Variants in MFHAS1 observed in about 807,000 individuals in gnomAD.
The protein encoded by MFHAS1 is multifunctional ROCO family signaling regulator 1.
In MFHAS1, 50 loss-of-function variants were observed where a neutral mutation model predicts 70.4. The ratio of observed to expected loss-of-function variants is 0.71; its 90% CI spans 0.57 to 0.90. The LOEUF is 0.90. Ranked by LOEUF, MFHAS1 falls within the 40% of genes least tolerant of loss-of-function variation. The pLI, the probability that MFHAS1 is intolerant of heterozygous loss-of-function variation, is 0.00. For synonymous variants in MFHAS1, 952 were observed against 620.0 expected (o/e 1.54, Z -7.96); for missense variants, 1,795 against 1,347.6 (o/e 1.33, Z -5.20).
Position 8,891,836 on chromosome 8 carries a change from G to A in MFHAS1, c.1223C>T (p.Pro408Leu). Residue 408 changes from proline (P) to leucine (L), a missense_variant, in exon 1 of 3, where the codon CCC (proline) becomes CTC (leucine). Pro to Leu is a moderately conservative substitution (Grantham distance 98). Transcript: ENST00000276282. The surrounding 1 kb of genome is among the most constrained non-coding windows in gnomAD (Gnocchi z 5.4). ...ELAHSQPAVQ[P>L]RLKLLLMGHK... ...CCCCATCAGGAGCAGCTTGAGCCGG[G>A]GCTGCACCGCCGGCTGGGAATGAGC... 6.2e-7 allele frequency: 1 copy of A among 1,613,038 alleles called. No homozygotes were observed. The highest frequency in any genetic ancestry group is 8.5e-7 in the Non-Finnish European group (1 of 1,179,896).
chr8:8,797,487 C>T lies in MFHAS1; in HGVS notation c.3003G>A (p.Glu1001=), dbSNP rs144779795. Residue 1001 remains glutamate, a synonymous_variant, in exon 2 of 3, where the codon GAG becomes GAA. Coordinates refer to ENST00000276282, the MANE Select transcript of MFHAS1 (RefSeq NM_004225.3). ...CTTCCGGTCTGGGCTGACTCAGCAACTCCCCTGTAGGAGGAGAGAGAAAAA... is the reference window on the plus strand; with the variant it reads ...CTTCCGGTCTGGGCTGACTCAGCAATTCCCCTGTAGGAGGAGAGAGAAAAA... ...GSPNPHAFPG[E]LLSQPRPEGV... The T allele has an allele frequency of 1.5e-5, 24 of 1,613,546 alleles. No homozygotes were observed. Among genetic ancestry groups the T allele is most frequent in the Non-Finnish European group, 2.0e-5 (24 of 1,179,724 alleles).
chr8:8,811,613 C>T (rs1806550196), intron 1 of MFHAS1, among the ~76,000 whole-genome samples: 1 of 152,224 alleles, frequency 6.6e-6, no homozygotes, highest in African/African-American at 2.4e-5. Context: ...TAACTAACGT[C>T]CACCTGACGC....
chr8:8,857,568 C>A (rs1045127997), intron 1 of MFHAS1, among the ~76,000 whole-genome samples: 4 of 151,988 alleles, frequency 2.6e-5, no homozygotes, highest in African/African-American at 9.7e-5. Context: ...ACCAGCCTGG[C>A]CAATATTGTG....
intron 1 of MFHAS1, among the ~76,000 whole-genome samples, chr8:8,815,922 C>T (rs760697306): frequency 1.3e-5 from 2 of 152,108 alleles, no homozygotes; most frequent in Non-Finnish European, 2.9e-5. Context: ...GTTAAAAGGT[C>T]GGCACATAAA....
At chr8:8,806,186 G>A (rs1040323778) in intron 1 of MFHAS1, among the ~76,000 whole-genome samples, 8 of 152,064 alleles carry the variant, frequency 5.3e-5, no homozygotes, top group Admixed American at 6.5e-5. Flanking sequence ...TCTTCCTCAC[G>A]GGACGCCCAC....
At position 8,892,347 on chromosome 8, in the gene MFHAS1, C is replaced by A. The variant is rs1810095838; in HGVS notation, c.712G>T (p.Glu238Ter). The A allele has an allele frequency of 6.2e-7, 1 of 1,611,864 alleles. No individual in the cohort carries two copies. The highest frequency in any genetic ancestry group is 8.5e-7 in the Non-Finnish European group (1 of 1,179,892). The change falls in exon 1 of 3, where the codon GAG becomes TAG. Residue 238 changes from glutamate (E) to a stop codon, truncating the protein, a stop_gained. Transcript: ENST00000276282. LOFTEE classifies it high-confidence loss of function. This position sits in a 1 kb window ranked among gnomAD's most constrained non-coding sequence, Gnocchi z 4.7. ...ALKILWLSGA[E>*]LGTLPAGFCE... ...AAGCCGGCGGGCAGCGTGCCAAGCT[C>A]GGCCCCACTCAGCCAGAGGATCTTG...
At chr8:8,799,526 C>T (rs983964921) in intron 1 of MFHAS1, among the ~76,000 whole-genome samples, 41 of 152,162 alleles carry the variant, frequency 2.7e-4, no homozygotes, top group African/African-American at 9.4e-4. Flanking sequence ...GAGGCAAAGA[C>T]GGGTGGATCG....
chr8:8,861,507 G>A (rs1203219287), intron 1 of MFHAS1, among the ~76,000 whole-genome samples: 1 of 152,164 alleles, frequency 6.6e-6, no homozygotes, highest in African/African-American at 2.4e-5. Context: ...CCAAATTAGT[G>A]TGAAAACAGC....
At chr8:8,866,443 C>T (rs1808861187) in intron 1 of MFHAS1, among the ~76,000 whole-genome samples, 1 of 152,030 alleles carries the variant, frequency 6.6e-6, no homozygotes, top group South Asian at 2.1e-4. Context: ...CTCAGCCTCC[C>T]CAACGGCTGC....
rs1414997519 is a variant in MFHAS1, at chr8:8,892,718, G to C, written c.341C>G (p.Thr114Ser). 18 of 1,579,174 alleles carry C rather than the reference G, an allele frequency of 1.1e-5. No homozygotes were observed. In the Middle Eastern group the frequency reaches 5.3e-4, roughly 47 times the overall value. The part of the protein sequence containing the change: ...PAVAELGHHL[T>S]ELDVSHNRLT... ...CCGGTTGTGGCTCACGTCCAGCTCG[G>C]TGAGGTGGTGGCCGAGCTCGGCCAC... Residue 114 changes from threonine to serine, a missense_variant, in exon 1 of 3, where the codon ACC (threonine) becomes AGC (serine). By Grantham distance (58) the Thr-to-Ser change is moderately conservative. Transcript: ENST00000276282. This position sits in a 1 kb window ranked among gnomAD's most constrained non-coding sequence, Gnocchi z 4.7.
intron 1 of MFHAS1, among the ~76,000 whole-genome samples, chr8:8,875,535 T>C (rs1809255487): frequency 6.6e-6 from 1 of 152,260 alleles, no homozygotes; most frequent in South Asian, 2.1e-4. Context: ...CAGAGCAAAA[T>C]GTGTAGTGAT....
In MFHAS1 at chr8:8,786,048, C is replaced by T. The variant is rs1563172428; in HGVS notation, c.3133G>A (p.Val1045Ile). ...TVISPCSKKN[V>I]GEKHRNQ is the part of the protein sequence containing the mutation. Reference sequence around the variant, plus strand: ...CACTGGTTTCTGTGCTTTTCACCAACATTCTTCCTGTATGGGTGGACAACA... The same window carrying T: ...CACTGGTTTCTGTGCTTTTCACCAATATTCTTCCTGTATGGGTGGACAACA... The change falls in exon 3 of 3, where the codon GTT becomes ATT. Residue 1045 changes from valine to isoleucine, a missense_variant. Val to Ile is a conservative substitution (Grantham distance 29). Coordinates refer to ENST00000276282, the MANE Select transcript of MFHAS1 (RefSeq NM_004225.3). The T allele has an allele frequency of 6.2e-7, 1 of 1,614,160 alleles. No homozygotes were observed. The highest frequency in any genetic ancestry group is 1.7e-5 in the Admixed American group (1 of 60,024).
intron 1 of MFHAS1, among the ~76,000 whole-genome samples, chr8:8,848,188 C>G (rs907620051): frequency 6.6e-6 from 1 of 152,178 alleles, no homozygotes; most frequent in Non-Finnish European, 1.5e-5. Context: ...AGTGTTCCAC[C>G]TGACACCACA....
At position 8,892,090 on chromosome 8, in the gene MFHAS1, G is replaced by A. The variant is rs948980317; in HGVS notation, c.969C>T (p.Thr323=). The A allele has an allele frequency of 3.1e-6, 5 of 1,613,542 alleles. No homozygotes were observed. The highest frequency in any genetic ancestry group is 4.2e-6 in the Non-Finnish European group (5 of 1,180,032). The stretch of plus-strand genomic sequence containing the variant: ...GGATGCGGTTATTATCCAGCCACAA[G>A]GTGAGAAGCCGGCCCAGGCCCGAGA... The part of the protein sequence containing the change: ...SLISGLGRLL[T]LWLDNNRIRY... Residue 323 remains threonine (T), a synonymous_variant, in exon 1 of 3, where the codon ACC becomes ACT. Coordinates refer to ENST00000276282, the MANE Select transcript of MFHAS1 (RefSeq NM_004225.3). The surrounding 1 kb of genome is among the most constrained non-coding windows in gnomAD (Gnocchi z 4.7).
At chr8:8,806,686 T>G (rs1806302087) in intron 1 of MFHAS1, among the ~76,000 whole-genome samples, 1 of 152,030 alleles carries the variant, frequency 6.6e-6, no homozygotes, top group South Asian at 2.1e-4. Context: ...AGGGGCCGGG[T>G]CCGGTGACCC....
intron 2 of MFHAS1, among the ~76,000 whole-genome samples, chr8:8,793,733 C>G (rs1470592515): frequency 6.6e-6 from 1 of 152,210 alleles, no homozygotes; most frequent in East Asian, 1.9e-4. Context: ...TCCTAAGGCC[C>G]CACTGGCCAG....
intron 1 of MFHAS1, among the ~76,000 whole-genome samples, chr8:8,878,043 T>C (rs1482728006): frequency 6.6e-6 from 1 of 152,212 alleles, no homozygotes; most frequent in Admixed American, 6.5e-5. Flanking sequence ...AATCATCCTC[T>C]GACACTCAAC....
chr8:8,846,062 G>C (rs964976357), intron 1 of MFHAS1, among the ~76,000 whole-genome samples: 1 of 151,978 alleles, frequency 6.6e-6, no homozygotes, highest in East Asian at 1.9e-4. Context: ...AGACCAGCCT[G>C]GACAACATGG....
At chr8:8,849,854 G>A (rs1282665488) in intron 1 of MFHAS1, among the ~76,000 whole-genome samples, 3 of 152,174 alleles carry the variant, frequency 2.0e-5, no homozygotes, top group East Asian at 3.8e-4. Flanking sequence ...TAATTGCCTG[G>A]TATGACCCAG....
Sources: gnomAD v4.1 joint callset for allele counts (sites outside exome capture counted in the v4.1 genomes callset) on GRCh38, gnomAD v4.1.1 for gene constraint, Gnocchi (gnomAD v3.1) non-coding constraint, MANE v1.5 for transcripts, NCBI Gene and HGNC (gene_info 2026-07-23, HGNC 2026-07-21) for gene names.